Variants in SLC16A7 observed in about 807,000 individuals in gnomAD.
SLC16A7 encodes solute carrier family 16 member 7.
SLC16A7 carries 33 observed loss-of-function variants against 34.9 expected under a neutral mutation model. That is an observed-to-expected ratio of 0.94 (90% confidence interval 0.72 to 1.26). The LOEUF is 1.26. SLC16A7 is among the 50% of genes most tolerant of loss of function. The probability of loss-of-function intolerance (pLI) is 0.00; values close to 1 mark genes in which losing one functional copy is unlikely to be tolerated. For missense variants in SLC16A7, 573 were observed against 578.1 expected (o/e 0.99, Z 0.09); for synonymous variants, 201 against 206.6 (o/e 0.97, Z 0.23).
At chr12:59,712,901 C>T (rs557321254) in intron 3 of SLC16A7, among the ~76,000 whole-genome samples, 1 of 152,246 alleles carries the variant, frequency 6.6e-6, no homozygotes, top group South Asian at 2.1e-4. Context: ...ATGATAGATA[C>T]ATGTGGTTAA....
chr12:59,625,862 C>A (rs1450816762), intron 1 of SLC16A7, among the ~76,000 whole-genome samples: 1 of 151,718 alleles, frequency 6.6e-6, no homozygotes, highest in African/African-American at 2.4e-5. Flanking sequence ...AAAAACAGAA[C>A]AACTTGTCAG....
chr12:59,702,013 T>C (rs1457274020), intron 2 of SLC16A7, among the ~76,000 whole-genome samples: 2 of 151,888 alleles, frequency 1.3e-5, no homozygotes, highest in African/African-American at 4.8e-5. Context: ...TACACGCTGA[T>C]TATACAACAA....
At chr12:59,636,157 G>T (rs963360448) in intron 1 of SLC16A7, among the ~76,000 whole-genome samples, 2 of 151,994 alleles carry the variant, frequency 1.3e-5, no homozygotes, top group African/African-American at 4.8e-5. Flanking sequence ...GATCAAAACT[G>T]TGTAGGTTCT....
chr12:59,615,008 A>T (rs919736827), intron 1 of SLC16A7, among the ~76,000 whole-genome samples: 7 of 151,056 alleles, frequency 4.6e-5, no homozygotes, highest in Non-Finnish European at 8.8e-5. Flanking sequence ...ATCTCAAAAA[A>T]TAAATAAATA....
At chr12:59,759,829 G>A (rs946093598) in intron 3 of SLC16A7, among the ~76,000 whole-genome samples, 1 of 151,992 alleles carries the variant, frequency 6.6e-6, no homozygotes, top group Non-Finnish European at 1.5e-5. Context: ...TTTTTGGTCA[G>A]TTCCTATAAA....
At chr12:59,754,206 C>T (rs1262269344) in intron 3 of SLC16A7, among the ~76,000 whole-genome samples, 1 of 151,904 alleles carries the variant, frequency 6.6e-6, no homozygotes, top group East Asian at 1.9e-4. Flanking sequence ...ACTAGAAAAG[C>T]AAGAGCAAAT....
rs1451964874 is a variant in SLC16A7, at chr12:59,596,532, T to C, written c.-130+296T>C. 6.6e-6 allele frequency among the ~76,000 whole-genome samples: 1 copy of C among 152,042 alleles called. No homozygotes were observed. Among genetic ancestry groups the C allele is most frequent in the East Asian group, 2.0e-4 (1 of 5,104 alleles). ...CCTGGGCAAGGAGCGCCTCGCGTGCTTTCGGCCAGGAGGTGCTCACGCTCT... is the reference window on the plus strand; with the variant it reads ...CCTGGGCAAGGAGCGCCTCGCGTGCCTTCGGCCAGGAGGTGCTCACGCTCT... On this transcript the variant is annotated intron_variant, in intron 1 of 5. Transcript: ENST00000547379. This position sits in a 1 kb window ranked among gnomAD's most constrained non-coding sequence, Gnocchi z 5.0.
rs186828390 is a variant in SLC16A7 at position 59,675,661 on chromosome 12, T to C, written c.-31+20411T>C. 3.3e-5 allele frequency among the ~76,000 whole-genome samples: 5 copies of C among 152,286 alleles called. No individual in the cohort carries two copies. The East Asian group carries it at 9.7e-4, about 29-fold the overall frequency. On this transcript the variant is annotated intron_variant, in intron 2 of 5. Coordinates refer to ENST00000547379, the MANE Select transcript of SLC16A7 (RefSeq NM_001270623.2). ...GAACCATTTGTGGCCTATTTTGTAATCAACCATAATTGTGCCACAGTCTGA... is the reference window on the plus strand; with the variant it reads ...GAACCATTTGTGGCCTATTTTGTAACCAACCATAATTGTGCCACAGTCTGA...
At chr12:59,655,058 T>C (rs1868466504) in intron 1 of SLC16A7, 94 bp from the exon 2 acceptor site, 1 of 152,038 alleles carries the variant, frequency 6.6e-6, no homozygotes, top group Non-Finnish European at 1.5e-5. Flanking sequence ...TACATGTTAT[T>C]AAGTCTTTCA....
intron 3 of SLC16A7, among the ~76,000 whole-genome samples, chr12:59,726,444 G>T (rs940303615): frequency 6.6e-6 from 1 of 152,004 alleles, no homozygotes; most frequent in African/African-American, 2.4e-5. Context: ...GAAGGATAGG[G>T]TAAAAGAGAA....
At chr12:59,776,250 C>T (rs1050510785) in intron 5 of SLC16A7, among the ~76,000 whole-genome samples, 11 of 152,140 alleles carry the variant, frequency 7.2e-5, no homozygotes, top group Non-Finnish European at 2.9e-5. Context: ...ATGTACATTA[C>T]AGAAGCATTA....
intron 3 of SLC16A7, among the ~76,000 whole-genome samples, chr12:59,755,123 C>G (rs1486005292): frequency 6.6e-6 from 1 of 152,128 alleles, no homozygotes; most frequent in East Asian, 1.9e-4. Context: ...TAAGAGCTAT[C>G]TATGACAAAC....
Position 59,775,097 on chromosome 12 carries a change from T to G in SLC16A7, c.802T>G (p.Leu268Val). ...FLGFFAPIIFLAPYAKDQGID... is the reference protein window; with the variant it reads ...FLGFFAPIIFVAPYAKDQGID... Reference sequence around the variant, plus strand: ...AGGTTTTTTTGCCCCCATTATATTCTTGGCTCCATATGCTAAAGACCAAGG... The same window carrying G: ...AGGTTTTTTTGCCCCCATTATATTCGTGGCTCCATATGCTAAAGACCAAGG... The change falls in exon 5 of 6, where the codon TTG becomes GTG. Residue 268 changes from leucine to valine, a missense_variant. Coordinates refer to ENST00000547379, the MANE Select transcript of SLC16A7 (RefSeq NM_001270623.2). 6.2e-7 allele frequency: 1 copy of G among 1,614,174 alleles called. No individual in the cohort carries two copies. The highest frequency in any genetic ancestry group is 8.5e-7 in the Non-Finnish European group (1 of 1,180,012).
At chr12:59,626,089 AAG>A (rs2136987380) in intron 1 of SLC16A7, among the ~76,000 whole-genome samples, 1 of 151,966 alleles carries the variant, frequency 6.6e-6, no homozygotes, top group East Asian at 1.9e-4. Context: ...AAAGGCAAAA[AAG>A]AATATATCAG....
At chr12:59,687,485 C>G (rs1311546515) in intron 2 of SLC16A7, among the ~76,000 whole-genome samples, 2 of 152,118 alleles carry the variant, frequency 1.3e-5, no homozygotes, top group Admixed American at 1.3e-4. Context: ...CATAACTTGC[C>G]ATTTTTCTAA....
chr12:59,670,417 C>T (rs1186403994), intron 2 of SLC16A7, among the ~76,000 whole-genome samples: 1 of 152,078 alleles, frequency 6.6e-6, no homozygotes, highest in Non-Finnish European at 1.5e-5. Context: ...CCAATCCACC[C>T]CCCCCACCAA....
rs1005390569 is a variant in SLC16A7, at chr12:59,702,217, T to C, written c.-30-2555T>C. Among the ~76,000 whole-genome samples, 4 of 152,104 alleles carry C rather than the reference T, an allele frequency of 2.6e-5. No individual in the cohort carries two copies. The South Asian group carries it at 8.3e-4, about 31-fold the overall frequency. On this transcript the variant is annotated intron_variant, in intron 2 of 5. Transcript: ENST00000547379. Reference sequence around the variant, plus strand: ...CAACTGGTTTCACTAATACCTACAATATTTATTTCCTTTTCTTTTTTCCTT... The same window carrying C: ...CAACTGGTTTCACTAATACCTACAACATTTATTTCCTTTTCTTTTTTCCTT...
chr12:59,711,200 G>A lies in SLC16A7; in HGVS notation c.217+6182G>A, dbSNP rs374984637. 1.3e-3 allele frequency among the ~76,000 whole-genome samples: 191 copies of A among 152,326 alleles called. 4 individuals carry two copies. The South Asian group carries it at 0.02, about 16-fold the overall frequency. On this transcript the variant is annotated intron_variant, in intron 3 of 5. Coordinates refer to ENST00000547379, the MANE Select transcript of SLC16A7 (RefSeq NM_001270623.2). ...GAACTATGTATCTGAGATAGGAAAC[G>A]AGCAGTTCCGTAATGGAAGGGCACT...
intron 3 of SLC16A7, among the ~76,000 whole-genome samples, chr12:59,732,856 T>C (rs1441627541): frequency 6.6e-6 from 1 of 152,206 alleles, no homozygotes; most frequent in Admixed American, 6.5e-5. Context: ...GAAGGTGTTA[T>C]ATGAAGCGCT....
Sources: gnomAD v4.1 joint callset for allele counts (sites outside exome capture counted in the v4.1 genomes callset) on GRCh38, gnomAD v4.1.1 for gene constraint, Gnocchi (gnomAD v3.1) non-coding constraint, MANE v1.5 for transcripts, NCBI Gene and HGNC (gene_info 2026-07-23, HGNC 2026-07-21) for gene names.